Variants in APCDD1L observed in about 807,000 individuals in gnomAD.
APCDD1L encodes the protein protein APCDD1-like.
In APCDD1L, 21 loss-of-function variants were observed where a neutral mutation model predicts 24.2. That is an observed-to-expected ratio of 0.87 (90% CI 0.61 to 1.25). The LOEUF (loss-of-function observed/expected upper bound fraction) is 1.25. Ranked by LOEUF, APCDD1L falls within the 50% of genes most tolerant of loss-of-function variation. The probability of loss-of-function intolerance (pLI) is 0.00; values close to 1 mark genes in which losing one functional copy is unlikely to be tolerated. For missense variants in APCDD1L, 704 were observed against 711.7 expected (o/e 0.99, Z 0.12); for synonymous variants, 321 against 323.6 (o/e 0.99, Z 0.09).
intron 3 of APCDD1L, among the ~76,000 whole-genome samples, chr20:58,463,908 G>GGGGT: frequency 7.2e-6 from 1 of 138,458 alleles, no homozygotes; most frequent in Non-Finnish European, 1.6e-5. Flanking sequence ...GGGGGGGGGC[G>GGGGT]TCACATTTTA....
At chr20:58,476,094 C>T (rs1214890836) in intron 1 of APCDD1L, among the ~76,000 whole-genome samples, 1 of 152,190 alleles carries the variant, frequency 6.6e-6, no homozygotes, top group Admixed American at 6.5e-5. Flanking sequence ...ATTCAACCCA[C>T]AGCAGATAAC....
At position 58,467,227 on chromosome 20, in the gene APCDD1L, GGCTGCAGGCGGC is replaced by G. The variant is rs764481267; in HGVS notation, c.608_619del (p.Arg203_Gln206del). On this transcript the variant is annotated inframe_deletion, in exon 3 of 4. Coordinates refer to ENST00000371149, the MANE Select transcript of APCDD1L (RefSeq NM_153360.3). This position sits in a 1 kb window ranked among gnomAD's most constrained non-coding sequence, Gnocchi z 5.9. ...CAGCCGGGGCGACGCCCGGGGCTGC[GGCTGCAGGCGGC>G]GCTGCACGCGGACCAGGCTGAGCTC... The G allele has an allele frequency of 6.3e-7, 1 of 1,597,154 alleles. No homozygotes were observed. The highest frequency in any genetic ancestry group is 1.1e-5 in the South Asian group (1 of 90,226).
chr20:58,504,094 G>A (rs1013621284), intron 1 of APCDD1L, among the ~76,000 whole-genome samples: 2 of 152,190 alleles, frequency 1.3e-5, no homozygotes, highest in South Asian at 4.1e-4. Context: ...TGGAGCCCAG[G>A]CAGGCAAAAC....
In APCDD1L at chr20:58,461,708, A is replaced by T; in HGVS notation, c.742-154T>A. 2 of 762,710 alleles carry T rather than the reference A, an allele frequency of 2.6e-6. No homozygotes were observed. The highest frequency in any genetic ancestry group is 3.6e-6 in the Non-Finnish European group (2 of 550,402). The allele number at this position is 762,710 out of a possible 1,614,324, so 47.2% of individuals were successfully genotyped here. On this transcript the variant is annotated intron_variant, in intron 3 of 3. Transcript: ENST00000371149. The surrounding 1 kb of genome is among the most constrained non-coding windows in gnomAD (Gnocchi z 6.0). ...CTCTCCTCACTCCCTGCCTTCAGTCAGGACGACCTCCTTGCTTCAGCCAGG... is the reference window on the plus strand; with the variant it reads ...CTCTCCTCACTCCCTGCCTTCAGTCTGGACGACCTCCTTGCTTCAGCCAGG...
At chr20:58,506,155 C>G (rs1022896614) in intron 1 of APCDD1L, among the ~76,000 whole-genome samples, 6 of 152,182 alleles carry the variant, frequency 3.9e-5, no homozygotes, top group Non-Finnish European at 8.8e-5. Context: ...GTCCTAGCCA[C>G]CAGAGTGGGC....
At chr20:58,492,642 T>C (rs903834061) in intron 1 of APCDD1L, among the ~76,000 whole-genome samples, 4 of 152,364 alleles carry the variant, frequency 2.6e-5, no homozygotes, top group South Asian at 4.1e-4. Flanking sequence ...ATTTACAGCA[T>C]GAGATCAGTG....
At position 58,461,158 on chromosome 20, in the gene APCDD1L, C is replaced by A. The variant is rs373064484; in HGVS notation, c.1138G>T (p.Gly380Trp). 12 of 1,612,936 alleles carry A rather than the reference C, an allele frequency of 7.4e-6. No homozygotes were observed. In the African/African-American group the frequency reaches 1.1e-4, roughly 14 times the overall value. Residue 380 changes from glycine to tryptophan, a missense_variant, in exon 4 of 4, where the codon GGG becomes TGG. Transcript: ENST00000371149. The surrounding 1 kb of genome is among the most constrained non-coding windows in gnomAD (Gnocchi z 6.0). ...MLNFSEPSSCGGAGAWSMGTE... is the reference protein window; with the variant it reads ...MLNFSEPSSCWGAGAWSMGTE... ...CCCATGGACCAGGCCCCCGCACCCC[C>A]ACAGCTGCTTGGCTCAGAGAAGTTG...
rs1990711443 is a variant in APCDD1L at position 58,514,883 on chromosome 20, T to C, written c.-176A>G. On this transcript the variant is annotated 5_prime_UTR_variant, in exon 1 of 4. Coordinates refer to ENST00000371149, the MANE Select transcript of APCDD1L (RefSeq NM_153360.3). ...CACACGCGCTCAGCCTTCCCGGCTG[T>C]TGATAGTTGTAAGCGGAGCTGCGCA... is the stretch of plus-strand genomic sequence containing the variant. 5 of 426,438 alleles carry C rather than the reference T, an allele frequency of 1.2e-5. No individual in the cohort carries two copies. Among genetic ancestry groups the C allele is most frequent in the Non-Finnish European group, 2.0e-5 (5 of 254,914 alleles). 26.4% of individuals were successfully genotyped at this position (426,438 alleles called of 1,614,324 possible). A position where few individuals can be genotyped will look rare whatever the true frequency, so the allele number is the denominator to read the frequency against.
At chr20:58,501,298 T>C (rs947208121) in intron 1 of APCDD1L, among the ~76,000 whole-genome samples, 1 of 152,194 alleles carries the variant, frequency 6.6e-6, no homozygotes, top group African/African-American at 2.4e-5. Flanking sequence ...AGCATGACTG[T>C]ATTTGGAGAC....
chr20:58,509,495 G>A (rs766051305), intron 1 of APCDD1L, among the ~76,000 whole-genome samples: 1 of 152,148 alleles, frequency 6.6e-6, no homozygotes, highest in Non-Finnish European at 1.5e-5. Flanking sequence ...AAACGGGAGT[G>A]AAAACCTCCA....
At chr20:58,484,965 T>TTA (rs1555822501) in intron 1 of APCDD1L, among the ~76,000 whole-genome samples, 2 of 151,938 alleles carry the variant, frequency 1.3e-5, no homozygotes, top group African/African-American at 4.8e-5. Flanking sequence ...TTTTTTTTTT[T>TTA]ATGAATGCAA....
intron 1 of APCDD1L, among the ~76,000 whole-genome samples, chr20:58,479,101 C>T (rs1415652901): frequency 1.3e-5 from 2 of 152,132 alleles, no homozygotes; most frequent in African/African-American, 4.8e-5. Flanking sequence ...TAATGCAAGC[C>T]ATAAATGTCA....
chr20:58,494,757 C>T lies in APCDD1L; in HGVS notation c.49+19902G>A, dbSNP rs757366066. ...TTCCATTCTGAAGTGCTACGAGCCC[C>T]GTACTTTGCCTGTGATTCCTGTCTC... On this transcript the variant is annotated intron_variant, in intron 1 of 3. Transcript: ENST00000371149. This position sits in a 1 kb window ranked among gnomAD's most constrained non-coding sequence, Gnocchi z 4.8. Among the ~76,000 whole-genome samples the T allele has an allele frequency of 1.3e-5, 2 of 152,180 alleles. No homozygotes were observed. The highest frequency in any genetic ancestry group is 3.9e-4 in the East Asian group (2 of 5,192).
At chr20:58,491,644 C>T (rs939078959) in intron 1 of APCDD1L, among the ~76,000 whole-genome samples, 1 of 152,202 alleles carries the variant, frequency 6.6e-6, no homozygotes, top group Non-Finnish European at 1.5e-5. Context: ...TAAGAGATGT[C>T]TACCTTCTAC....
At chr20:58,473,599 TC>T (rs11086645) in intron 1 of APCDD1L, among the ~76,000 whole-genome samples, 85,518 of 151,416 alleles carry the variant, frequency 0.56, 25,500 homozygotes, top group African/African-American at 0.75. Flanking sequence ...TTTCTTTGCT[TC>T]CCCCCCCACC....
chr20:58,499,418 C>T (rs909804112), intron 1 of APCDD1L, among the ~76,000 whole-genome samples: 1 of 152,314 alleles, frequency 6.6e-6, no homozygotes, highest in Non-Finnish European at 1.5e-5. Flanking sequence ...ACACCTATGG[C>T]GACACCTGTC....
chr20:58,490,843 G>A (rs1990212411), intron 1 of APCDD1L, among the ~76,000 whole-genome samples: 1 of 152,210 alleles, frequency 6.6e-6, no homozygotes, highest in South Asian at 2.1e-4. Context: ...GACAGTATGA[G>A]AGAGGAAAGT....
Position 58,461,726 on chromosome 20 carries a change from C to A in APCDD1L, c.742-172G>T. Reference sequence around the variant, plus strand: ...TTCAGTCAGGACGACCTCCTTGCTTCAGCCAGGATGGCCTCCTTGATGGAG... The same window carrying A: ...TTCAGTCAGGACGACCTCCTTGCTTAAGCCAGGATGGCCTCCTTGATGGAG... On this transcript the variant is annotated intron_variant, in intron 3 of 3. Coordinates refer to ENST00000371149, the MANE Select transcript of APCDD1L (RefSeq NM_153360.3). This position sits in a 1 kb window ranked among gnomAD's most constrained non-coding sequence, Gnocchi z 6.0. The A allele has an allele frequency of 1.6e-6, 1 of 625,170 alleles. No homozygotes were observed. Among genetic ancestry groups the A allele is most frequent in the Non-Finnish European group, 2.3e-6 (1 of 428,068 alleles). 38.7% of individuals were successfully genotyped at this position (625,170 alleles called of 1,614,324 possible). A position where few individuals can be genotyped will look rare whatever the true frequency, so the allele number is the denominator to read the frequency against.
Position 58,497,192 on chromosome 20 carries a change from C to A in APCDD1L, c.49+17467G>T, listed in dbSNP as rs1380768128. On this transcript the variant is annotated intron_variant, in intron 1 of 3. Transcript: ENST00000371149. This position sits in a 1 kb window ranked among gnomAD's most constrained non-coding sequence, Gnocchi z 4.3. The stretch of plus-strand genomic sequence containing the variant: ...GGAGTATGGGAGCTGGTGAAAGGGG[C>A]CTCCTGGGGGTGAGGGGGCATGCAG... 6.6e-6 allele frequency among the ~76,000 whole-genome samples: 1 copy of A among 151,182 alleles called. No individual in the cohort carries two copies.
Sources: gnomAD v4.1 joint callset for allele counts (sites outside exome capture counted in the v4.1 genomes callset) on GRCh38, gnomAD v4.1.1 for gene constraint, Gnocchi (gnomAD v3.1) non-coding constraint, MANE v1.5 for transcripts, NCBI Gene and HGNC (gene_info 2026-07-23, HGNC 2026-07-21) for gene names.